The following PARP16 variants were observed in gnomAD, a reference collection of about 807,000 sequenced individuals.
PARP16 encodes poly(ADP-ribose) polymerase family member 16, also known as protein mono-ADP-ribosyltransferase PARP16.
Under a neutral mutation model 35.0 loss-of-function variants are expected in PARP16, and 31 were observed. The ratio of observed to expected loss-of-function variants is 0.88; its 90% confidence interval spans 0.66 to 1.19. The LOEUF is 1.19. Among genes scored for constraint, PARP16 ranks in the 50% most tolerant of loss-of-function variants. PARP16 has a pLI of 0.00. For synonymous variants in PARP16, 162 were observed against 169.5 expected, an observed-to-expected ratio of 0.96 and a Z score of 0.34; for missense variants, 424 against 411.2, an observed-to-expected ratio of 1.03 and a Z score of -0.27.
chr15:65,261,106 C>A, intron 4 of PARP16, 80 bp from the exon 5 acceptor site: 1 of 1,375,302 alleles, frequency 7.3e-7, no homozygotes, highest in Non-Finnish European at 1.0e-6. Flanking sequence ...ATAAGTCAAG[C>A]CTCCTGGTGC....
chr15:65,267,469 T>C (rs1050539094), intron 2 of PARP16, among the ~76,000 whole-genome samples: 4 of 150,292 alleles, frequency 2.7e-5, no homozygotes, highest in Non-Finnish European at 5.9e-5. Context: ...TAGCCGGGCG[T>C]GGTGGTGGGC....
At chr15:65,233,333 CG>C (rs1241633367), downstream of PARP16, among the ~76,000 whole-genome samples, 2 of 152,082 alleles carry the variant, frequency 1.3e-5, no homozygotes, top group Non-Finnish European at 2.9e-5. Context: ...ACCCAGGAGG[CG>C]GAGCTTGCAG....
At chr15:65,239,069 T>G (rs926938359) in intron 3 of PARP16, among the ~76,000 whole-genome samples, 25 of 151,952 alleles carry the variant, frequency 1.6e-4, no homozygotes, top group African/African-American at 6.0e-4. Flanking sequence ...AGTTTGAGGC[T>G]GCAGTGAACT....
At chr15:65,280,174 C>T (rs1042177880) in intron 1 of PARP16, among the ~76,000 whole-genome samples, 7 of 152,008 alleles carry the variant, frequency 4.6e-5, no homozygotes, top group African/African-American at 1.2e-4. Context: ...TGGTGGTTCA[C>T]GCCTGTAATC....
chr15:65,236,379 A>C (rs1275688643), intron 3 of PARP16, among the ~76,000 whole-genome samples: 1 of 152,228 alleles, frequency 6.6e-6, no homozygotes, highest in Non-Finnish European at 1.5e-5. Context: ...TATATGACAC[A>C]TTTTTATGAC....
chr15:65,273,443 A>C (rs2090153783), intron 1 of PARP16, among the ~76,000 whole-genome samples: 1 of 150,262 alleles, frequency 6.7e-6, no homozygotes, highest in Non-Finnish European at 1.5e-5. Flanking sequence ...GCTGGGGTGG[A>C]TTTCTTAAGG....
At chr15:65,233,341 G>T (rs970959194), downstream of PARP16, among the ~76,000 whole-genome samples, 1 of 151,946 alleles carries the variant, frequency 6.6e-6, no homozygotes, top group Non-Finnish European at 1.5e-5. Context: ...GGCGGAGCTT[G>T]CAGTGAGCCA....
At chr15:65,269,332 G>A (rs1445142283) in intron 2 of PARP16, among the ~76,000 whole-genome samples, 1 of 152,126 alleles carries the variant, frequency 6.6e-6, no homozygotes, top group Non-Finnish European at 1.5e-5. Flanking sequence ...ACGTAGCTGG[G>A]ATTACAGGCT....
At position 65,259,130 on chromosome 15, in the gene PARP16, C is replaced by T. The variant is rs563134573; in HGVS notation, c.*277G>A. On this transcript the variant is annotated 3_prime_UTR_variant, in exon 6 of 6. Transcript: ENST00000649807. The stretch of plus-strand genomic sequence containing the variant: ...TGCAGCAGGGCTTTTTCCTTTGGCC[C>T]TGGCTGAAAAGCCAACTCCCTAGGA... 15 of 315,736 alleles carry T rather than the reference C, an allele frequency of 4.8e-5. No homozygotes were observed. Among genetic ancestry groups the T allele is most frequent in the Non-Finnish European group, 7.0e-5 (12 of 170,508 alleles). 19.6% of individuals were successfully genotyped at this position (315,736 alleles called of 1,614,324 possible). A position where few individuals can be genotyped will look rare whatever the true frequency, so the allele number is the denominator to read the frequency against.
Position 65,260,962 on chromosome 15 carries a change from G to A in PARP16, c.756C>T (p.Pro252=). 6.2e-7 allele frequency: 1 copy of A among 1,613,714 alleles called. No homozygotes were observed. Residue 252 remains proline (P), a synonymous_variant, in exon 5 of 6, where the codon CCC becomes CCT. Coordinates refer to ENST00000649807, the MANE Select transcript of PARP16 (RefSeq NM_001316943.2). ...IKHSEGGDIP[P]KYFVVTNNQL... ...GGTTATTGGTGACCACGAAGTACTT[G>A]GGAGGGATGTCTCCCCCTTCACTAT...
rs146144692 is a variant in PARP16 at position 65,244,388 on chromosome 15, A to G, written c.*97+3729T>C. On this transcript the variant is annotated intron_variant and NMD_transcript_variant, in intron 3 of 3. Coordinates refer to the PARP16 transcript ENST00000559805. ...GGACTCACAGTTCCGCATGGCTTGG[A>G]GGCCTCACAATCATGGCGGAAGATG... is the stretch of plus-strand genomic sequence containing the variant. Among the ~76,000 whole-genome samples, 54 of 152,338 alleles carry G rather than the reference A, an allele frequency of 3.5e-4. No homozygotes were observed. The East Asian group carries it at 9.3e-3, about 26-fold the overall frequency.
chr15:65,235,239 G>A (rs967951308), intron 3 of PARP16, among the ~76,000 whole-genome samples: 14 of 151,852 alleles, frequency 9.2e-5, no homozygotes, highest in Middle Eastern at 6.8e-3. Context: ...CCTGGGAGGC[G>A]GAGCTTGCAG....
At chr15:65,234,270 C>A (rs1023043408), downstream of PARP16, among the ~76,000 whole-genome samples, 1 of 152,178 alleles carries the variant, frequency 6.6e-6, no homozygotes, top group African/African-American at 2.4e-5. Context: ...GTGTGAGCCA[C>A]TGCATCAGGC....
chr15:65,235,784 A>G (rs1261670381), intron 3 of PARP16, among the ~76,000 whole-genome samples: 1 of 150,686 alleles, frequency 6.6e-6, no homozygotes, highest in African/African-American at 2.4e-5. Context: ...CCTTTGATTC[A>G]TAATGGCGTC....
At chr15:65,232,384 T>A (rs2088788210), downstream of PARP16, among the ~76,000 whole-genome samples, 1 of 152,214 alleles carries the variant, frequency 6.6e-6, no homozygotes, top group African/African-American at 2.4e-5. Flanking sequence ...TTAGTACCAC[T>A]GACGGCTTGA....
chr15:65,274,616 A>G (rs1185949864), intron 1 of PARP16, among the ~76,000 whole-genome samples: 1 of 149,904 alleles, frequency 6.7e-6, no homozygotes, highest in Non-Finnish European at 1.5e-5. Context: ...CAAATGCTCC[A>G]TGAGTATTGG....
chr15:65,252,854 C>T (rs568263140), intron 2 of PARP16, among the ~76,000 whole-genome samples: 20 of 152,230 alleles, frequency 1.3e-4, no homozygotes, highest in Middle Eastern at 3.4e-3. Context: ...GGCGGCTGGG[C>T]GTGGTGGCTC....
chr15:65,262,886 C>T (rs1450020875), intron 4 of PARP16, among the ~76,000 whole-genome samples: 1 of 152,186 alleles, frequency 6.6e-6, no homozygotes, highest in Admixed American at 6.5e-5. Context: ...ATGATTACTA[C>T]TTCCTCTGAG....
At position 65,258,137 on chromosome 15, in the gene PARP16, A is replaced by C. The variant is rs1452306712; in HGVS notation, c.*1270T>G. On this transcript the variant is annotated 3_prime_UTR_variant, in exon 6 of 6. Coordinates refer to ENST00000649807, the MANE Select transcript of PARP16 (RefSeq NM_001316943.2). ...ATCTTTATTTATTCTGAAATGTTCC[A>C]ATAATCAATGTAAAAACTGTGGTAG... is the stretch of plus-strand genomic sequence containing the variant. 2 of 152,246 alleles carry C rather than the reference A, an allele frequency of 1.3e-5. No individual in the cohort carries two copies. Among genetic ancestry groups the C allele is most frequent in the Non-Finnish European group, 2.9e-5 (2 of 68,036 alleles). 9.4% of individuals were successfully genotyped at this position (152,246 alleles called of 1,614,324 possible).
Sources: gnomAD v4.1 joint callset for allele counts (sites outside exome capture counted in the v4.1 genomes callset) on GRCh38, gnomAD v4.1.1 for gene constraint, MANE v1.5 for transcripts, NCBI Gene and HGNC (gene_info 2026-07-23, HGNC 2026-07-21) for gene names.